Variants in LIPC observed in about 807,000 individuals in gnomAD.
The protein encoded by LIPC is lipase C, hepatic type, also known as hepatic triacylglycerol lipase.
A neutral mutation model predicts 50.7 loss-of-function variants in LIPC; 44 were observed. The observed-to-expected ratio is 0.87, with a 90% CI of 0.68 to 1.11. The LOEUF (loss-of-function observed/expected upper bound fraction) is 1.11, where lower values mean the gene tolerates loss of function less well. Among genes scored for constraint, LIPC ranks in the 50% most tolerant of loss-of-function variants. The pLI is 0.00. For missense variants in LIPC, 697 were observed against 648.2 expected, an observed-to-expected ratio of 1.08 and a Z score of -0.82; for synonymous variants, 271 against 256.4, an observed-to-expected ratio of 1.06 and a Z score of -0.54.
rs1892279517 is a variant in LIPC, at chr15:58,509,896, G to A, written c.89-28437G>A. Among the ~76,000 whole-genome samples the A allele has an allele frequency of 2.0e-5, 3 of 151,734 alleles. No individual in the cohort carries two copies. In the South Asian group the frequency reaches 6.2e-4, roughly 32 times the overall value. On this transcript the variant is annotated intron_variant, in intron 1 of 8. Coordinates refer to ENST00000299022, the MANE Select transcript of LIPC (RefSeq NM_000236.3). ...GTCAAAATTTTAGTTGTTATAACTG[G>A]TATCACCAATTAAAAAATTTTATAA...
intron 8 of LIPC, chr15:58,566,455 A>G: frequency 1.0e-6 from 1 of 985,050 alleles, no homozygotes; most frequent in Non-Finnish European, 1.2e-6. Context: ...ATCATAATAT[A>G]CATTTCATGA....
chr15:58,491,294 G>A (rs1566927358), intron 1 of LIPC, among the ~76,000 whole-genome samples: 1 of 152,134 alleles, frequency 6.6e-6, no homozygotes, highest in Non-Finnish European at 1.5e-5. Context: ...GTCAGAGCAT[G>A]GGAATTTCAA....
chr15:58,444,781 T>A (rs1377881753), intron 1 of LIPC, among the ~76,000 whole-genome samples: 4 of 152,202 alleles, frequency 2.6e-5, no homozygotes, highest in Admixed American at 2.0e-4. Flanking sequence ...AACTTCAATG[T>A]ATGAATTTGA....
At chr15:58,496,756 A>AAAAAAAAAT (rs1392969922) in intron 1 of LIPC, among the ~76,000 whole-genome samples, 1 of 151,280 alleles carries the variant, frequency 6.6e-6, no homozygotes, top group East Asian at 1.9e-4. Flanking sequence ...AAAAAAAAAA[A>AAAAAAAAAT]AAAATTAAGA....
intron 1 of LIPC, among the ~76,000 whole-genome samples, chr15:58,485,527 G>A (rs1466401177): frequency 7.5e-6 from 1 of 133,634 alleles, no homozygotes; most frequent in Non-Finnish European, 1.7e-5. Flanking sequence ...CTGATCTCGG[G>A]CTAAGGGCTG....
At chr15:58,516,932 T>C (rs537077322) in intron 1 of LIPC, among the ~76,000 whole-genome samples, 293 of 152,346 alleles carry the variant, frequency 1.9e-3, no homozygotes, top group African/African-American at 6.9e-3. Flanking sequence ...TGCTGGGTAT[T>C]CCTACATTAT....
intron 1 of LIPC, among the ~76,000 whole-genome samples, chr15:58,467,939 A>G (rs1230132649): frequency 6.6e-6 from 1 of 152,154 alleles, no homozygotes. Context: ...TGCTTCTAAC[A>G]CAAGGACCGC....
At chr15:58,543,132 A>G (rs767085055) in intron 4 of LIPC, among the ~76,000 whole-genome samples, 7 of 152,106 alleles carry the variant, frequency 4.6e-5, no homozygotes, top group Non-Finnish European at 7.4e-5. Flanking sequence ...ACTTCACCCC[A>G]AACTCCATAC....
chr15:58,459,900 G>A (rs1323151205), intron 1 of LIPC, among the ~76,000 whole-genome samples: 2 of 152,244 alleles, frequency 1.3e-5, no homozygotes, highest in South Asian at 2.1e-4. Flanking sequence ...GGGCCACTGC[G>A]TTGCTATGAG....
intron 1 of LIPC, among the ~76,000 whole-genome samples, chr15:58,481,924 T>C (rs1891202708): frequency 6.6e-6 from 1 of 152,158 alleles, no homozygotes; most frequent in Non-Finnish European, 1.5e-5. Context: ...AAAAGGGAGA[T>C]GTACACATGT....
At chr15:58,567,265 ATGTG>A (rs113085870) in intron 8 of LIPC, among the ~76,000 whole-genome samples, 18,925 of 118,648 alleles carry the variant, frequency 0.16, 1,950 homozygotes, top group South Asian at 0.38. Context: ...ATATATGTAT[ATGTG>A]TGTGTGTGTG....
chr15:58,460,118 C>A (rs1215046507), intron 1 of LIPC, among the ~76,000 whole-genome samples: 1 of 152,222 alleles, frequency 6.6e-6, no homozygotes, highest in Non-Finnish European at 1.5e-5. Flanking sequence ...GTCTTTTCAG[C>A]TCCCAATGAG....
chr15:58,472,041 G>T (rs1207768115), intron 1 of LIPC, among the ~76,000 whole-genome samples: 1 of 151,686 alleles, frequency 6.6e-6, no homozygotes, highest in African/African-American at 2.4e-5. Context: ...AGGCCAAGGT[G>T]GGTGGATCAC....
intron 1 of LIPC, among the ~76,000 whole-genome samples, chr15:58,506,749 C>G (rs139028464): frequency 3.3e-5 from 5 of 152,330 alleles, no homozygotes; most frequent in African/African-American, 4.8e-5. Context: ...CTCTGCCCCC[C>G]ACCCTGACGT....
At chr15:58,485,951 T>C (rs182229676) in intron 1 of LIPC, among the ~76,000 whole-genome samples, 1 of 152,326 alleles carries the variant, frequency 6.6e-6, no homozygotes, top group African/African-American at 2.4e-5. Context: ...AAAATGCCCC[T>C]CTTTCATCTC....
At chr15:58,433,205 G>C (rs1286298873) in intron 1 of LIPC, among the ~76,000 whole-genome samples, 1 of 152,152 alleles carries the variant, frequency 6.6e-6, no homozygotes, top group Non-Finnish European at 1.5e-5. Flanking sequence ...AAAATTGCTG[G>C]TAATCTTTAT....
chr15:58,530,183 C>G (rs1892915325), intron 1 of LIPC, among the ~76,000 whole-genome samples: 1 of 152,216 alleles, frequency 6.6e-6, no homozygotes, highest in African/African-American at 2.4e-5. Context: ...GTGTTTCTAA[C>G]CCTCTTGCTG....
intron 1 of LIPC, among the ~76,000 whole-genome samples, chr15:58,465,140 C>A (rs1483500329): frequency 6.6e-6 from 1 of 152,166 alleles, no homozygotes; most frequent in East Asian, 1.9e-4. Flanking sequence ...TGTCTTATCC[C>A]CTCAGGAACC....
At chr15:58,450,644 G>A (rs1377742985) in intron 1 of LIPC, among the ~76,000 whole-genome samples, 1 of 152,178 alleles carries the variant, frequency 6.6e-6, no homozygotes, top group Non-Finnish European at 1.5e-5. Context: ...ACATGGGTCT[G>A]GGACCACACA....
Sources: allele counts gnomAD v4.1 joint callset (sites outside exome capture counted in the v4.1 genomes callset), GRCh38; gene constraint gnomAD v4.1.1; transcripts MANE v1.5; gene names NCBI Gene and HGNC (gene_info 2026-07-23, HGNC 2026-07-21).